The following MICAL2 variants were observed in gnomAD, a reference collection of about 807,000 sequenced individuals.
MICAL2 encodes the protein [F-actin]-monooxygenase MICAL2.
In MICAL2, 77 loss-of-function variants were observed where a neutral mutation model predicts 127.3. That is an observed-to-expected ratio of 0.60 (90% confidence interval 0.50 to 0.73). The LOEUF (loss-of-function observed/expected upper bound fraction) is 0.73, where lower values mean the gene tolerates loss of function less well. MICAL2 is among the 30% of genes least tolerant of loss of function. The pLI, the probability that MICAL2 is intolerant of heterozygous loss-of-function variation, is 0.00. For missense variants in MICAL2, 1,351 were observed against 1,434.4 expected (o/e 0.94, Z 0.94); for synonymous variants, 570 against 551.1 (o/e 1.03, Z -0.48).
intron 1 of MICAL2, among the ~76,000 whole-genome samples, chr11:12,122,188 A>T (rs1465608007): frequency 6.6e-6 from 1 of 152,222 alleles, no homozygotes; most frequent in Non-Finnish European, 1.5e-5. Flanking sequence ...AATGGGAGTG[A>T]TGCTACTTAC....
chr11:12,180,730 G>A (rs1334068771), intron 3 of MICAL2, among the ~76,000 whole-genome samples: 1 of 150,064 alleles, frequency 6.7e-6, no homozygotes, highest in Non-Finnish European at 1.5e-5. Context: ...GGGGATAAAC[G>A]GAAGAATGTG....
intron 8 of MICAL2, 130 bp downstream of exon 8, chr11:12,216,449 A>C (rs910544269): frequency 2.9e-6 from 2 of 683,216 alleles, no homozygotes; most frequent in Middle Eastern, 3.0e-4. Context: ...ACCAGCTTAC[A>C]CCCTTCTTTT....
In MICAL2 at chr11:12,146,200, C is replaced by T. The variant is rs1590065786; in HGVS notation, c.-78+7740C>T. 3.9e-5 allele frequency among the ~76,000 whole-genome samples: 6 copies of T among 152,134 alleles called. No individual in the cohort carries two copies. The South Asian group carries it at 1.2e-3, about 32-fold the overall frequency. On this transcript the variant is annotated intron_variant, in intron 2 of 27. Coordinates refer to ENST00000683283, the MANE Select transcript of MICAL2 (RefSeq NM_001282663.2). ...ACACCAAAAGCAATGGCAACAAAAG[C>T]CAAAATTGACAAACGGGATCTAATT...
chr11:12,311,038 A>T (rs919078658), intron 29 of MICAL2, among the ~76,000 whole-genome samples: 1 of 152,094 alleles, frequency 6.6e-6, no homozygotes, highest in African/African-American at 2.4e-5. Context: ...TTGATTTTGT[A>T]TCCTGCAAAT....
At chr11:12,120,258 T>C (rs1246166655) in intron 1 of MICAL2, among the ~76,000 whole-genome samples, 1 of 152,148 alleles carries the variant, frequency 6.6e-6, no homozygotes, top group African/African-American at 2.4e-5. Context: ...TTGACAGAGA[T>C]GAGTTTATCT....
intron 3 of MICAL2, among the ~76,000 whole-genome samples, chr11:12,180,333 A>ATG (rs200880931): frequency 0.01 from 1,089 of 106,726 alleles, 11 homozygotes; most frequent in South Asian, 0.018. Context: ...GTTTATATAC[A>ATG]TGTATATATG....
At chr11:12,210,332 G>A (rs1444444840) in intron 6 of MICAL2, among the ~76,000 whole-genome samples, 5 of 152,158 alleles carry the variant, frequency 3.3e-5, no homozygotes, top group Non-Finnish European at 7.3e-5. Context: ...TTGAGACCAT[G>A]GGTTATAAAC....
rs16910830 is a variant in MICAL2, at chr11:12,230,109, C to T, written c.1995+2978C>T. 9.7e-3 allele frequency among the ~76,000 whole-genome samples: 1,478 copies of T among 152,328 alleles called. 24 individuals carry two copies. The highest frequency in any genetic ancestry group is 0.051 in the East Asian group (262 of 5,184). On this transcript the variant is annotated intron_variant, in intron 15 of 27. Transcript: ENST00000683283. Reference sequence around the variant, plus strand: ...ATACCTCTGCATTCTGTCTACCACTCAATGCCAGCACAGTGATCAGGGCCA... The same window carrying T: ...ATACCTCTGCATTCTGTCTACCACTTAATGCCAGCACAGTGATCAGGGCCA...
intron 13 of MICAL2, 82 bp downstream of exon 13, chr11:12,224,902 T>C (rs1183627743): frequency 1.4e-6 from 2 of 1,471,274 alleles, no homozygotes; most frequent in Admixed American, 4.1e-5. Flanking sequence ...CATTACTTGG[T>C]TCAATATTTC....
At chr11:12,330,805 C>CAGAGAGAGAGAGGGAGAGAG (rs1864408399) in intron 32 of MICAL2, among the ~76,000 whole-genome samples, 1 of 42,926 alleles carries the variant, frequency 2.3e-5, no homozygotes, top group Admixed American at 2.5e-4. Context: ...GAGAGAGAGA[C>CAGAGAGAGAGAGGGAGAGAG]AGAGAGAGAG....
rs181101219 is a variant in MICAL2 at position 12,356,184 on chromosome 11, A to G, written c.5689+1327A>G. 1.7e-3 allele frequency among the ~76,000 whole-genome samples: 256 copies of G among 152,256 alleles called. 1 individual carries two copies. The highest frequency in any genetic ancestry group is 6.0e-3 in the African/African-American group (250 of 41,528). On this transcript the variant is annotated intron_variant, in intron 34 of 34. Transcript: ENST00000646065. ...AAGTGAAGGTCATAGGTTTTTCTCAACCCTGTCAGATGTATCCAAAAAATG... is the reference window on the plus strand; with the variant it reads ...AAGTGAAGGTCATAGGTTTTTCTCAGCCCTGTCAGATGTATCCAAAAAATG...
intron 21 of MICAL2, among the ~76,000 whole-genome samples, chr11:12,248,254 T>G (rs1861038683): frequency 6.6e-6 from 1 of 152,162 alleles, no homozygotes; most frequent in African/African-American, 2.4e-5. Flanking sequence ...TCTTGAGGGC[T>G]CTCACGGGGG....
intron 15 of MICAL2, among the ~76,000 whole-genome samples, chr11:12,230,207 G>A (rs934636220): frequency 6.6e-6 from 1 of 152,300 alleles, no homozygotes; most frequent in Non-Finnish European, 1.5e-5. Flanking sequence ...TTGGGGAACC[G>A]AATGGCAATG....
intron 31 of MICAL2, chr11:12,327,143 C>T (rs1864361748): frequency 6.5e-7 from 1 of 1,545,900 alleles, no homozygotes; most frequent in South Asian, 1.2e-5. Flanking sequence ...GTGGAAAGTC[C>T]TTGTGTGACA....
rs1276633885 is a variant in MICAL2, at chr11:12,216,403, C to A, written c.948+84C>A. On this transcript the variant is annotated intron_variant, in intron 8 of 27. Coordinates refer to ENST00000683283, the MANE Select transcript of MICAL2 (RefSeq NM_001282663.2). ...GGTGTGAAGGCAGATGTCGTCCTGC[C>A]AGAAACTGAGCGAGGGGAGGAGGGG... is the stretch of plus-strand genomic sequence containing the variant. 20 of 1,075,300 alleles carry A rather than the reference C, an allele frequency of 1.9e-5. No individual in the cohort carries two copies. In the East Asian group the frequency reaches 4.1e-4, roughly 22 times the overall value. 66.6% of individuals were successfully genotyped at this position (1,075,300 alleles called of 1,614,324 possible).
intron 3 of MICAL2, among the ~76,000 whole-genome samples, chr11:12,169,455 A>G (rs1211013943): frequency 2.6e-5 from 4 of 152,100 alleles, no homozygotes; most frequent in Non-Finnish European, 4.4e-5. Context: ...GCATGATCTC[A>G]GCTCACTGCA....
At chr11:12,325,475 G>A (rs1328402827) in intron 31 of MICAL2, among the ~76,000 whole-genome samples, 2 of 152,112 alleles carry the variant, frequency 1.3e-5, no homozygotes, top group Admixed American at 6.6e-5. Context: ...AAAGTACCAC[G>A]GACCGGATGG....
intron 2 of MICAL2, among the ~76,000 whole-genome samples, chr11:12,154,454 G>T (rs1241180642): frequency 6.6e-6 from 1 of 152,186 alleles, no homozygotes; most frequent in Non-Finnish European, 1.5e-5. Context: ...TAAAAGTCAT[G>T]CATGTTCCTG....
At chr11:12,230,017 C>T (rs1319082213) in intron 15 of MICAL2, among the ~76,000 whole-genome samples, 1 of 152,220 alleles carries the variant, frequency 6.6e-6, no homozygotes, top group African/African-American at 2.4e-5. Flanking sequence ...GGAGCACTTC[C>T]TGTGGGTGGG....
Sources: gnomAD v4.1 joint callset for allele counts (sites outside exome capture counted in the v4.1 genomes callset) on GRCh38, gnomAD v4.1.1 for gene constraint, MANE v1.5 for transcripts, NCBI Gene and HGNC (gene_info 2026-07-23, HGNC 2026-07-21) for gene names.